The following PTPRD variants were observed in gnomAD, a reference collection of about 807,000 sequenced individuals.
The protein encoded by PTPRD is protein tyrosine phosphatase receptor type D, also known as receptor-type tyrosine-protein phosphatase delta.
A neutral mutation model predicts 214.5 loss-of-function variants in PTPRD; 34 were observed. The observed-to-expected ratio is 0.16, with a 90% CI of 0.12 to 0.21. The LOEUF is 0.21. Ranked by LOEUF, PTPRD falls within the 10% of genes least tolerant of loss-of-function variation. The pLI is 1.00. For missense variants in PTPRD, 2,545 were observed against 2,398.7 expected, an observed-to-expected ratio of 1.06 and a Z score of -1.27; for synonymous variants, 1,128 against 845.7, an observed-to-expected ratio of 1.33 and a Z score of -5.79.
intron 3 of PTPRD, among the ~76,000 whole-genome samples, chr9:10,106,410 G>A (rs294873): frequency 0.61 from 92,852 of 151,074 alleles, 29,423 homozygotes; most frequent in Middle Eastern, 0.81. Context: ...ACTTAACCTG[G>A]AAGTTTTGGC....
At chr9:10,327,507 A>T (rs1169120408) in intron 3 of PTPRD, among the ~76,000 whole-genome samples, 1 of 151,516 alleles carries the variant, frequency 6.6e-6, no homozygotes, top group Non-Finnish European at 1.5e-5. Context: ...ATAACTACCA[A>T]TTTTTCACCA....
chr9:9,426,717 G>A (rs1169779638), intron 8 of PTPRD, among the ~76,000 whole-genome samples: 1 of 152,120 alleles, frequency 6.6e-6, no homozygotes, highest in African/African-American at 2.4e-5. Flanking sequence ...GCTTCCAGAA[G>A]AACGATAAGG....
intron 33 of PTPRD, among the ~76,000 whole-genome samples, chr9:8,458,351 A>G (rs2096275462): frequency 6.6e-6 from 1 of 152,160 alleles, no homozygotes; most frequent in Non-Finnish European, 1.5e-5. Context: ...CACAAATACC[A>G]TATACATCTG....
At chr9:8,463,144 C>T (rs1226240047) in intron 32 of PTPRD, among the ~76,000 whole-genome samples, 1 of 151,678 alleles carries the variant, frequency 6.6e-6, no homozygotes, top group East Asian at 1.9e-4. Context: ...TGAGCTTGGC[C>T]ATCAAGCAGG....
In PTPRD at chr9:8,359,314, A is replaced by G. The variant is rs1588615409; in HGVS notation, c.4661+16622T>C. Among the ~76,000 whole-genome samples, 7 of 151,382 alleles carry G rather than the reference A, an allele frequency of 4.6e-5. No individual in the cohort carries two copies. The South Asian group carries it at 1.5e-3, about 32-fold the overall frequency. On this transcript the variant is annotated intron_variant, in intron 39 of 45. Transcript: ENST00000381196. ...AGAAACTCAAGGGGTGGGGTCAAGC[A>G]GTTTGAATTTTATTATTTCATTATT...
At chr9:8,826,912 C>A (rs1452994468) in intron 11 of PTPRD, among the ~76,000 whole-genome samples, 2 of 152,016 alleles carry the variant, frequency 1.3e-5, no homozygotes, top group East Asian at 3.9e-4. Context: ...TATGGGATAC[C>A]CAATGAGCAC....
intron 9 of PTPRD, among the ~76,000 whole-genome samples, chr9:9,386,411 A>G (rs2063883673): frequency 6.6e-6 from 1 of 152,148 alleles, no homozygotes; most frequent in Admixed American, 6.6e-5. Context: ...ACTCCAGCAA[A>G]TAAGAGAATG....
At chr9:8,476,869 C>A (rs1313247237) in intron 30 of PTPRD, among the ~76,000 whole-genome samples, 3 of 152,108 alleles carry the variant, frequency 2.0e-5, no homozygotes, top group Non-Finnish European at 4.4e-5. Flanking sequence ...ATTTTCAACT[C>A]TCAGTCTCAT....
intron 9 of PTPRD, among the ~76,000 whole-genome samples, chr9:9,378,518 T>C (rs1370453587): frequency 6.6e-6 from 1 of 152,294 alleles, no homozygotes; most frequent in Non-Finnish European, 1.5e-5. Flanking sequence ...TGTTTTCAAC[T>C]CATTTGCATA....
At chr9:9,130,866 C>T (rs2099841500) in intron 10 of PTPRD, among the ~76,000 whole-genome samples, 1 of 152,100 alleles carries the variant, frequency 6.6e-6, no homozygotes, top group South Asian at 2.1e-4. Context: ...GGAACAGATT[C>T]CAAAATTACT....
Position 10,480,240 on chromosome 9 carries a change from G to C in PTPRD, c.-600+132158C>G, listed in dbSNP as rs375600013. ...TCCCCAATACAGAATTTTCAACAGA[G>C]AAGCACATATCTAATTTTCTCAAAC... On this transcript the variant is annotated intron_variant, in intron 2 of 45. Coordinates refer to ENST00000381196, the MANE Select transcript of PTPRD (RefSeq NM_002839.4). Among the ~76,000 whole-genome samples, 23 of 152,280 alleles carry C rather than the reference G, an allele frequency of 1.5e-4. No homozygotes were observed. The East Asian group carries it at 3.1e-3, about 20-fold the overall frequency.
At chr9:8,456,256 T>C (rs1483254766) in intron 33 of PTPRD, among the ~76,000 whole-genome samples, 1 of 152,082 alleles carries the variant, frequency 6.6e-6, no homozygotes, top group Non-Finnish European at 1.5e-5. Context: ...ACGCAGTAGG[T>C]TCTACAACAG....
intron 4 of PTPRD, among the ~76,000 whole-genome samples, chr9:9,957,448 C>A (rs2094019132): frequency 1.3e-5 from 2 of 151,910 alleles, no homozygotes; most frequent in Admixed American, 6.6e-5. Flanking sequence ...TAAAATGTTA[C>A]AAGAGAGCAA....
Position 8,709,350 on chromosome 9 carries a change from TA to T in PTPRD, c.64+24429del, listed in dbSNP as rs552822360. On this transcript the variant is annotated intron_variant, in intron 12 of 45. Transcript: ENST00000381196. ...TAACACAGTGAAACCCTGTCTCTACTAAAAAATACAAAAAATTAGCTGTGCC... is the reference window on the plus strand; with the variant it reads ...TAACACAGTGAAACCCTGTCTCTACTAAAAATACAAAAAATTAGCTGTGCC... Among the ~76,000 whole-genome samples, 18 of 151,258 alleles carry T rather than the reference TA, an allele frequency of 1.2e-4. No homozygotes were observed. In the East Asian group the frequency reaches 2.1e-3, roughly 18 times the overall value.
chr9:8,891,137 A>ATTTTTTTTTTTTTTTTTTTTT lies in PTPRD; in HGVS notation c.-104+127559_-104+127560insAAAAAAAAAAAAAAAAAAAAA, dbSNP rs761564011. On this transcript the variant is annotated intron_variant, in intron 11 of 45. Transcript: ENST00000381196. ...AACTTCTGTGCTTTGAATTAATCTA[A>ATTTTTTTTTTTTTTTTTTTTT]TTTTTTTTTTTTTTGAGACTGAGTC... Among the ~76,000 whole-genome samples the ATTTTTTTTTTTTTTTTTTTTT allele has an allele frequency of 2.4e-3, 297 of 123,540 alleles. 20 individuals are homozygous for ATTTTTTTTTTTTTTTTTTTTT. Among genetic ancestry groups the ATTTTTTTTTTTTTTTTTTTTT allele is most frequent in the African/African-American group, 9.1e-3 (286 of 31,580 alleles). 81.0% of individuals were successfully genotyped at this position (123,540 alleles called of 152,430 possible). A position where few individuals can be genotyped will look rare whatever the true frequency, so the allele number is the denominator to read the frequency against.
intron 9 of PTPRD, among the ~76,000 whole-genome samples, chr9:9,375,854 G>A (rs1183293593): frequency 2.6e-5 from 4 of 152,058 alleles, no homozygotes; most frequent in Non-Finnish European, 5.9e-5. Flanking sequence ...AAAAGTCCAG[G>A]AATGGATAAT....
rs147128602 is a variant in PTPRD at position 9,907,446 on chromosome 9, C to A, written c.-368+31061G>T. On this transcript the variant is annotated intron_variant, in intron 5 of 45. Transcript: ENST00000381196. ...GTAGGTCTGGTTTCTCATGAGGCCT[C>A]CCTTTCTCCACGGCTTGACCATGGT... 7.1e-3 allele frequency among the ~76,000 whole-genome samples: 1,074 copies of A among 151,944 alleles called. 3 individuals are homozygous for A. The highest frequency in any genetic ancestry group is 0.011 in the Non-Finnish European group (772 of 67,900).
intron 3 of PTPRD, among the ~76,000 whole-genome samples, chr9:10,233,787 G>A (rs1034669367): frequency 6.6e-6 from 1 of 151,764 alleles, no homozygotes; most frequent in Non-Finnish European, 1.5e-5. Context: ...ATAACGCCTG[G>A]ACTATTTTTA....
intron 39 of PTPRD, among the ~76,000 whole-genome samples, chr9:8,347,278 C>T (rs1397838511): frequency 1.3e-5 from 2 of 152,066 alleles, no homozygotes; most frequent in East Asian, 1.9e-4. Flanking sequence ...CCATTCCCAC[C>T]ATCCAGGGAC....
Sources: gnomAD v4.1 joint callset for allele counts (sites outside exome capture counted in the v4.1 genomes callset) on GRCh38, gnomAD v4.1.1 for gene constraint, MANE v1.5 for transcripts, NCBI Gene and HGNC (gene_info 2026-07-23, HGNC 2026-07-21) for gene names.